The following RBM33 variants were observed in gnomAD, a reference collection of about 807,000 sequenced individuals.
RBM33 encodes RNA-binding protein 33.
RBM33 carries 28 observed loss-of-function variants against 132.6 expected under a neutral mutation model. That is an observed-to-expected ratio of 0.21 (90% CI 0.16 to 0.29). RBM33 has a LOEUF of 0.29. RBM33 is among the 10% of genes least tolerant of loss of function. The pLI, the probability that RBM33 is intolerant of heterozygous loss-of-function variation, is 1.00. For missense variants in RBM33, 1,291 were observed against 1,518.5 expected (o/e 0.85, Z 2.49); for synonymous variants, 634 against 593.0 (o/e 1.07, Z -1.01).
At chr7:155,683,282 C>G (rs1799386059) in intron 5 of RBM33, among the ~76,000 whole-genome samples, 1 of 152,204 alleles carries the variant, frequency 6.6e-6, no homozygotes, top group Admixed American at 6.5e-5. Flanking sequence ...ATGGGAGCCT[C>G]TCTCTGTCTT....
At chr7:155,707,761 A>AT (rs1800158274) in intron 7 of RBM33, among the ~76,000 whole-genome samples, 1 of 152,116 alleles carries the variant, frequency 6.6e-6, no homozygotes, top group Non-Finnish European at 1.5e-5. Context: ...GGTTCAAGCG[A>AT]TTCTCCTGCC....
At chr7:155,753,561 G>T (rs951060672) in intron 14 of RBM33, among the ~76,000 whole-genome samples, 1 of 152,212 alleles carries the variant, frequency 6.6e-6, no homozygotes, top group Admixed American at 6.5e-5. Context: ...AGCTAAGGAG[G>T]AGCTGAGAGG....
intron 16 of RBM33, among the ~76,000 whole-genome samples, chr7:155,770,367 A>AG (rs1802379194): frequency 6.6e-6 from 1 of 152,136 alleles, no homozygotes; most frequent in African/African-American, 2.4e-5. Flanking sequence ...CTGTGTGTAG[A>AG]GGGGAGCCCC....
rs1221855650 is a variant in RBM33 at position 155,665,095 on chromosome 7, A to T, written c.44-80A>T. On this transcript the variant is annotated intron_variant, in intron 1 of 17. Transcript: ENST00000401878. ...AATGTCAAGTCAGGAATCCTTAAAA[A>T]AGTTGTTTTAGTGTTTGAATTATTT... The T allele has an allele frequency of 2.6e-6, 3 of 1,176,272 alleles. No homozygotes were observed. In the East Asian group the frequency reaches 7.2e-5, roughly 28 times the overall value. The allele number at this position is 1,176,272 out of a possible 1,614,324, so 72.9% of individuals were successfully genotyped here.
intron 6 of RBM33, 67 bp from the exon 7 acceptor site, chr7:155,706,793 T>C: frequency 7.7e-7 from 1 of 1,295,498 alleles, no homozygotes; most frequent in Non-Finnish European, 1.1e-6. Context: ...TTCTTTCCTG[T>C]TCTCTCCCTA....
chr7:155,702,298 A>G lies in RBM33; in HGVS notation c.739+1354A>G, dbSNP rs140236329. Among the ~76,000 whole-genome samples the G allele has an allele frequency of 8.3e-3, 1,267 of 152,324 alleles. 13 individuals are homozygous for G. The highest frequency in any genetic ancestry group is 0.029 in the African/African-American group (1,204 of 41,564). ...TGCACAAGATAGCAGTAGTCAACCA[A>G]TATTATCTTAATTTACTAGGCAAGA... is the stretch of plus-strand genomic sequence containing the variant. On this transcript the variant is annotated intron_variant, in intron 6 of 17. Transcript: ENST00000401878.
chr7:155,700,668 T>A, intron 5 of RBM33, 105 bp from the exon 6 acceptor site: 1 of 868,836 alleles, frequency 1.2e-6, no homozygotes, highest in South Asian at 2.0e-5. Context: ...CAGTATTTTT[T>A]ACATCTGAAA....
chr7:155,649,660 G>A (rs1258809315), intron 1 of RBM33, among the ~76,000 whole-genome samples: 2 of 152,192 alleles, frequency 1.3e-5, no homozygotes, highest in African/African-American at 4.8e-5. Context: ...CAGTTGTCTG[G>A]TTTTTTAATG....
chr7:155,673,768 G>GCACGCACA lies in RBM33; in HGVS notation c.171+856_171+857insGCACACAC, dbSNP rs1554469953. Among the ~76,000 whole-genome samples, 37 of 132,980 alleles carry GCACGCACA rather than the reference G, an allele frequency of 2.8e-4. 2 individuals carry two copies. In the East Asian group the frequency reaches 2.8e-3, roughly 10 times the overall value. 87.2% of individuals were successfully genotyped at this position (132,980 alleles called of 152,430 possible). Reference sequence around the variant, plus strand: ...CACGTGTATATACGCGCGCATGCGCGCACACACACACACACACACACACAC... The same window carrying GCACGCACA: ...CACGTGTATATACGCGCGCATGCGCGCACGCACACACACACACACACACACACACACAC... On this transcript the variant is annotated intron_variant, in intron 3 of 17. Transcript: ENST00000401878.
chr7:155,715,120 C>T (rs907662674), intron 8 of RBM33, among the ~76,000 whole-genome samples: 4 of 152,130 alleles, frequency 2.6e-5, no homozygotes, highest in African/African-American at 7.2e-5. Context: ...TGGCCCTGAG[C>T]GTCGCTGATT....
intron 1 of RBM33, among the ~76,000 whole-genome samples, chr7:155,653,652 G>A (rs1221296155): frequency 1.3e-5 from 2 of 152,212 alleles, no homozygotes; most frequent in Non-Finnish European, 2.9e-5. Context: ...GAGCTTCTGA[G>A]TTGGTGAGCA....
In RBM33 at chr7:155,779,323, TGTGCA is replaced by T. The variant is rs1194897848; in HGVS notation, c.*4284_*4288del. ...ACCAGGGAGTTGACTGATAGGAGTGTGTGCAGGGCAGGAAAGGTTCGGAGGCACCC... is the reference window on the plus strand; with the variant it reads ...ACCAGGGAGTTGACTGATAGGAGTGTGGGCAGGAAAGGTTCGGAGGCACCC... On this transcript the variant is annotated 3_prime_UTR_variant, in exon 18 of 18. Coordinates refer to ENST00000401878, the MANE Select transcript of RBM33 (RefSeq NM_053043.3). The T allele has an allele frequency of 6.6e-6, 1 of 152,052 alleles. No homozygotes were observed. Among genetic ancestry groups the T allele is most frequent in the Admixed American group, 6.5e-5 (1 of 15,270 alleles). 9.4% of individuals were successfully genotyped at this position (152,052 alleles called of 1,614,324 possible).
chr7:155,693,163 A>G (rs1318925802), intron 5 of RBM33, among the ~76,000 whole-genome samples: 2 of 152,188 alleles, frequency 1.3e-5, no homozygotes, highest in Non-Finnish European at 2.9e-5. Context: ...TAGTCTTTGT[A>G]TTCCAATATT....
intron 1 of RBM33, among the ~76,000 whole-genome samples, chr7:155,656,783 T>G (rs1042515616): frequency 3.3e-5 from 5 of 152,172 alleles, no homozygotes; most frequent in Non-Finnish European, 7.3e-5. Flanking sequence ...AGTTTGACTA[T>G]TCTTTTTAAA....
At chr7:155,768,841 C>T (rs1585550887) in intron 16 of RBM33, among the ~76,000 whole-genome samples, 1 of 152,148 alleles carries the variant, frequency 6.6e-6, no homozygotes, top group South Asian at 2.1e-4. Context: ...TCTTGATCTC[C>T]TGACCTCGTG....
intron 16 of RBM33, among the ~76,000 whole-genome samples, chr7:155,768,418 G>T (rs548527396): frequency 6.6e-6 from 1 of 151,954 alleles, no homozygotes; most frequent in African/African-American, 2.4e-5. Flanking sequence ...CATTTCCTTC[G>T]AGTGCTGGGA....
chr7:155,690,936 A>G (rs1194516551), intron 5 of RBM33, among the ~76,000 whole-genome samples: 1 of 151,996 alleles, frequency 6.6e-6, no homozygotes, highest in South Asian at 2.1e-4. Flanking sequence ...GAATCTGACA[A>G]TTATGTGTCT....
At chr7:155,748,740 A>G (rs1801598766) in intron 14 of RBM33, among the ~76,000 whole-genome samples, 1 of 151,896 alleles carries the variant, frequency 6.6e-6, no homozygotes, top group Non-Finnish European at 1.5e-5. Flanking sequence ...TTGTCATTGT[A>G]AGAGAATGTC....
intron 8 of RBM33, among the ~76,000 whole-genome samples, chr7:155,714,231 A>C (rs10226869): frequency 6.6e-6 from 1 of 152,048 alleles, no homozygotes; most frequent in East Asian, 1.9e-4. Flanking sequence ...TATGAGGGTC[A>C]TAGTTTTCAC....
Sources: gnomAD v4.1 joint callset for allele counts (sites outside exome capture counted in the v4.1 genomes callset) on GRCh38, gnomAD v4.1.1 for gene constraint, MANE v1.5 for transcripts, NCBI Gene and HGNC (gene_info 2026-07-23, HGNC 2026-07-21) for gene names.